The following FN1 variants were observed in gnomAD, a reference collection of about 807,000 sequenced individuals.
The protein encoded by FN1 is fibronectin 1.
FN1 carries 106 observed loss-of-function variants against 297.3 expected under a neutral mutation model. That is an observed-to-expected ratio of 0.36 (90% confidence interval 0.30 to 0.42). The LOEUF is 0.42. Ranked by LOEUF, FN1 falls within the 10% of genes least tolerant of loss-of-function variation. The probability of loss-of-function intolerance (pLI) is 1.00; values close to 1 mark genes in which losing one functional copy is unlikely to be tolerated. For synonymous variants in FN1, 1,149 were observed against 1,152.6 expected, an observed-to-expected ratio of 1.00 and a Z score of 0.06; for missense variants, 2,690 against 3,124.9, an observed-to-expected ratio of 0.86 and a Z score of 3.32.
intron 24 of FN1, 91 bp from the exon 25 acceptor site, chr2:215,393,294 T>C: frequency 7.8e-7 from 1 of 1,275,498 alleles, no homozygotes; most frequent in Non-Finnish European, 1.1e-6. Context: ...ATCAGGTTAC[T>C]AGTAGTAAAA....
intron 45 of FN1, 99 bp from the exon 46 acceptor site, chr2:215,361,725 T>C (rs774292230): frequency 1.4e-4 from 150 of 1,039,446 alleles, no homozygotes; most frequent in Non-Finnish European, 2.2e-4. Flanking sequence ...CAGCTGCTTA[T>C]AGATAGGATA....
intron 41 of FN1, 73 bp downstream of exon 41, chr2:215,370,219 TAC>T: frequency 6.9e-7 from 1 of 1,453,204 alleles, no homozygotes; most frequent in African/African-American, 1.4e-5. Flanking sequence ...GCAACAAAGG[TAC>T]AGTCAACAGA....
chr2:215,402,247 G>A (rs977100093), intron 20 of FN1, among the ~76,000 whole-genome samples: 5 of 152,142 alleles, frequency 3.3e-5, no homozygotes, highest in Non-Finnish European at 7.3e-5. Flanking sequence ...CTCTCTGCCT[G>A]GGAAGGCCAT....
At chr2:215,373,971 C>G (rs1196568523) in intron 38 of FN1, among the ~76,000 whole-genome samples, 1 of 151,972 alleles carries the variant, frequency 6.6e-6, no homozygotes, top group African/African-American at 2.4e-5. Context: ...CGTGAGCCAC[C>G]GCGCCTGGCC....
intron 8 of FN1, 113 bp downstream of exon 8, chr2:215,424,033 A>T: frequency 9.2e-7 from 1 of 1,088,834 alleles, no homozygotes; most frequent in Non-Finnish European, 1.4e-6. Context: ...AAACTGAACA[A>T]AAGCGATGCT....
rs780865689 is a variant in FN1, at chr2:215,433,419, C to T, written c.320G>A (p.Arg107Gln). Residue 107 changes from arginine to glutamine, a missense_variant, in exon 3 of 46, where the codon CGA (arginine) becomes CAA (glutamine). Transcript: ENST00000354785. ...AGGACGCTCATAAGTGTCACCCACT[C>T]GGTAAGTGTTCCCAGTGTACTTGTC... ...CFDKYTGNTY[R>Q]VGDTYERPKD... The T allele has an allele frequency of 3.5e-5, 57 of 1,614,008 alleles. No homozygotes were observed. The highest frequency in any genetic ancestry group is 1.6e-4 in the Middle Eastern group (1 of 6,084).
chr2:215,424,118 T>G, intron 8 of FN1, 28 bp downstream of exon 8: 1 of 1,611,112 alleles, frequency 6.2e-7, no homozygotes, highest in Non-Finnish European at 8.5e-7. Context: ...TTTTTCTCAC[T>G]TCTGTGGCTC....
At chr2:215,374,050 A>AT (rs2056799282) in intron 38 of FN1, among the ~76,000 whole-genome samples, 1 of 152,174 alleles carries the variant, frequency 6.6e-6, no homozygotes, top group Non-Finnish European at 1.5e-5. Context: ...TCAGCATCAT[A>AT]TACCACCACT....
intron 36 of FN1, among the ~76,000 whole-genome samples, chr2:215,376,049 T>C (rs1156262204): frequency 2.6e-5 from 4 of 152,164 alleles, no homozygotes; most frequent in Non-Finnish European, 5.9e-5. Context: ...TGGTCAATAG[T>C]TGAGCCTTGG....
rs574170543 is a variant in FN1 at position 215,428,362 on chromosome 2, C to T, written c.686-24G>A. The T allele has an allele frequency of 8.8e-5, 142 of 1,612,064 alleles. 3 individuals are homozygous for T. The South Asian group carries it at 1.4e-3, about 16-fold the overall frequency. On this transcript the variant is annotated intron_variant, in intron 5 of 45. Transcript: ENST00000354785. ...ATCTGTGTCACAAAGGAAGCACATACATACATCAGGTCGAGAGTCGCAAGT... is the reference window on the plus strand; with the variant it reads ...ATCTGTGTCACAAAGGAAGCACATATATACATCAGGTCGAGAGTCGCAAGT...
In FN1 at chr2:215,420,766, T is replaced by C; in HGVS notation, c.1582A>G (p.Asn528Asp). Reference sequence around the variant, plus strand: ...TCATGACGCTTGTGGAATGTGTCGTTCACATTGTAAGTGATGTCATCAACA... The same window carrying C: ...TCATGACGCTTGTGGAATGTGTCGTCCACATTGTAAGTGATGTCATCAACA... ...CIVDDITYNV[N>D]DTFHKRHEEG... The change falls in exon 11 of 46, where the codon AAC (asparagine) becomes GAC (aspartate). Residue 528 changes from asparagine to aspartate, a missense_variant. This residue lies in a region of FN1 where 876 missense variants were observed against 1,058.1 expected (regional missense o/e 0.83). Coordinates refer to ENST00000354785, the MANE Select transcript of FN1 (RefSeq NM_212482.4). 1 of 1,613,762 alleles carries C rather than the reference T, an allele frequency of 6.2e-7. No homozygotes were observed. Among genetic ancestry groups the C allele is most frequent in the Non-Finnish European group, 8.5e-7 (1 of 1,179,624 alleles).
chr2:215,415,103 A>C, intron 12 of FN1, 145 bp from the exon 13 acceptor site: 1 of 624,780 alleles, frequency 1.6e-6, no homozygotes, highest in Non-Finnish European at 2.8e-6. Context: ...TAATCTTTTA[A>C]ATATTTACGT....
rs2057667116 is a variant in FN1 at position 215,378,276 on chromosome 2, G to A, written c.5623-14C>T. 1 of 1,514,378 alleles carries A rather than the reference G, an allele frequency of 6.6e-7. No individual in the cohort carries two copies. Among genetic ancestry groups the A allele is most frequent in the Admixed American group, 1.7e-5 (1 of 59,862 alleles). The allele number at this position is 1,514,378 out of a possible 1,614,324, so 93.8% of individuals were successfully genotyped here. A position where few individuals can be genotyped will look rare whatever the true frequency, so the allele number is the denominator to read the frequency against. ...TTTGGTGGCCACCTAGAGAAATAAGGGCATGGTGAGCTTTAGCAACGTCCT... is the reference window on the plus strand; with the variant it reads ...TTTGGTGGCCACCTAGAGAAATAAGAGCATGGTGAGCTTTAGCAACGTCCT... On this transcript the variant is annotated splice_polypyrimidine_tract_variant and intron_variant, in intron 34 of 45. Transcript: ENST00000354785.
rs1201122741 is a variant in FN1 at position 215,423,430 on chromosome 2, C to T, written c.1313G>A (p.Gly438Asp). The change falls in exon 9 of 46, where the codon GGC becomes GAC. Residue 438 changes from glycine (G) to aspartate (D), a missense_variant. Physicochemically the swap from Gly to Asp is moderately conservative, Grantham distance 94. This residue lies in a region of FN1 where 876 missense variants were observed against 1,058.1 expected (regional missense o/e 0.83). Coordinates refer to ENST00000354785, the MANE Select transcript of FN1 (RefSeq NM_212482.4). ...ACACCACTTCATGTTGTCTCTTCTGCCCTCAGAAGTGCAATCAGTGTAATT... is the reference window on the plus strand; with the variant it reads ...ACACCACTTCATGTTGTCTCTTCTGTCCTCAGAAGTGCAATCAGTGTAATT... Reference protein sequence around the residue: ...NHNYTDCTSEGRRDNMKWCGT... With the variant: ...NHNYTDCTSEDRRDNMKWCGT... The T allele has an allele frequency of 6.2e-7, 1 of 1,614,124 alleles. No individual in the cohort carries two copies. The highest frequency in any genetic ancestry group is 8.5e-7 in the Non-Finnish European group (1 of 1,179,944).
Position 215,419,445 on chromosome 2 carries a change from T to C in FN1, c.1676-60A>G, listed in dbSNP as rs76599104. Reference sequence around the variant, plus strand: ...GAAGACTTATAACTACGAATTTAATTTCAGGGTGCTAGAGCATACATTTAG... The same window carrying C: ...GAAGACTTATAACTACGAATTTAATCTCAGGGTGCTAGAGCATACATTTAG... On this transcript the variant is annotated intron_variant, in intron 11 of 45. Transcript: ENST00000354785. The C allele has an allele frequency of 3.2e-4, 445 of 1,401,286 alleles. No individual in the cohort carries two copies. The African/African-American group carries it at 5.6e-3, about 18-fold the overall frequency. 86.8% of individuals were successfully genotyped at this position (1,401,286 alleles called of 1,614,324 possible).
At position 215,371,688 on chromosome 2, in the gene FN1, T is replaced by C. The variant is rs559307183; in HGVS notation, c.6714+221A>G. On this transcript the variant is annotated intron_variant, in intron 40 of 45. Transcript: ENST00000354785. ...AGTGGAGCCACTTTTTTTTTTTTTT[T>C]TTTTTCAAGAGACGAGGTTTCACCA... 0.016 allele frequency among the ~76,000 whole-genome samples: 2,430 copies of C among 150,582 alleles called. 76 individuals are homozygous for C. Among genetic ancestry groups the C allele is most frequent in the African/African-American group, 0.056 (2,302 of 40,764 alleles).
In FN1 at chr2:215,371,988, A is replaced by G. The variant is rs535490073; in HGVS notation, c.6635T>C (p.Ile2212Thr). ...AGTGTCCTGGAATGGGGCCCATGAG[A>G]TGGTTGTCTGAGAGAGAGCTTCTTG... ...TGQEALSQTT[I>T]SWAPFQDTSE... is the part of the protein sequence containing the mutation. Residue 2212 changes from isoleucine (I) to threonine (T), a missense_variant, in exon 40 of 46, where the codon ATC (isoleucine) becomes ACC (threonine). Ile to Thr is a moderately conservative substitution (Grantham distance 89). This residue lies in a region of FN1 where 1,743 missense variants were observed against 1,945.2 expected (regional missense o/e 0.90). Coordinates refer to ENST00000354785, the MANE Select transcript of FN1 (RefSeq NM_212482.4). The G allele has an allele frequency of 2.5e-6, 4 of 1,614,188 alleles. No individual in the cohort carries two copies. The highest frequency in any genetic ancestry group is 4.5e-5 in the East Asian group (2 of 44,884).
rs772920001 is a variant in FN1, at chr2:215,384,122, C to T, written c.4792G>A (p.Gly1598Ser). The T allele has an allele frequency of 3.9e-5, 63 of 1,613,966 alleles. 1 individual carries two copies. The South Asian group carries it at 4.7e-4, about 12-fold the overall frequency. Reference protein sequence around the residue: ...PGSKSTATISGLKPGVDYTIT... With the variant: ...PGSKSTATISSLKPGVDYTIT... ...GTATAATCAACTCCAGGTTTAAGGC[C>T]GCTGATGGTAGCTGTAGACTTGCTC... Residue 1598 changes from glycine to serine, a missense_variant, in exon 30 of 46, where the codon GGC becomes AGC. Gly to Ser is a moderately conservative substitution (Grantham distance 56). Coordinates refer to ENST00000354785, the MANE Select transcript of FN1 (RefSeq NM_212482.4).
chr2:215,429,237 C>A (rs1354237015), intron 5 of FN1, among the ~76,000 whole-genome samples: 1 of 152,166 alleles, frequency 6.6e-6, no homozygotes, highest in African/African-American at 2.4e-5. Context: ...CAAACATCTA[C>A]AGTATTTAAA....
Sources: allele counts gnomAD v4.1 joint callset (sites outside exome capture counted in the v4.1 genomes callset), GRCh38; gene constraint gnomAD v4.1.1; regional missense constraint gnomAD v4.1.1; transcripts MANE v1.5; gene names NCBI Gene and HGNC (gene_info 2026-07-23, HGNC 2026-07-21).